TAB3: variants seen among roughly 807,000 people sequenced by gnomAD.
The protein encoded by TAB3 is TGF-beta-activated kinase 1 and MAP3K7-binding protein 3.
A neutral mutation model predicts 48.1 loss-of-function variants in TAB3; 18 were observed. The ratio of observed to expected loss-of-function variants is 0.37; its 90% CI spans 0.26 to 0.55. The LOEUF (loss-of-function observed/expected upper bound fraction) is 0.55. TAB3 is among the 20% of genes least tolerant of loss of function. The pLI is 0.78. For missense variants in TAB3, 414 were observed against 549.8 expected (o/e 0.75, Z 2.47); for synonymous variants, 185 against 190.2 (o/e 0.97, Z 0.22).
Position 30,831,171 on chromosome X carries a change from C to T in TAB3, c.*256G>A. The T allele has an allele frequency of 3.4e-6, 1 of 298,149 alleles. No homozygotes were observed. The highest frequency in any genetic ancestry group is 5.9e-6 in the Non-Finnish European group (1 of 170,618). The allele number at this position is 298,149 out of a possible 1,213,427, so 24.6% of individuals were successfully genotyped here. On this transcript the variant is annotated 3_prime_UTR_variant, in exon 11 of 11. Coordinates refer to ENST00000288422, the MANE Select transcript of TAB3 (RefSeq NM_152787.5). ...AGCTCTTGACTTCTGTGTGTACATT[C>T]TTTCACAGAGTGAATCCTTTCCCAG...
At chrX:30,853,772 TCA>T (rs1298756704) in intron 6 of TAB3, among the ~76,000 whole-genome samples, 1 of 112,337 alleles carries the variant, frequency 8.9e-6, no homozygotes, top group Non-Finnish European at 1.9e-5. Flanking sequence ...CCTCCTGGAT[TCA>T]AGCTATTCTC....
At chrX:30,888,794 T>C (rs772906310) in intron 1 of TAB3, among the ~76,000 whole-genome samples, 1 of 112,547 alleles carries the variant, frequency 8.9e-6, no homozygotes, top group Non-Finnish European at 1.9e-5. Context: ...CCGCAATGCC[T>C]AGGGTCCGGC....
At chrX:30,859,767 C>G in intron 4 of TAB3, 89 bp from the exon 5 acceptor site, 1 of 431,213 alleles carries the variant, frequency 2.3e-6, no homozygotes. Context: ...GTAGTGGTGG[C>G]ATCTCCTCTA....
intron 9 of TAB3, chrX:30,834,561 T>C (rs1938132233): frequency 1.7e-5 from 2 of 119,257 alleles, no homozygotes; most frequent in Admixed American, 1.7e-4. Flanking sequence ...ATGGGCACTA[T>C]CCATACAGTA....
chrX:30,848,182 G>A (rs1384213766), intron 7 of TAB3, among the ~76,000 whole-genome samples: 2 of 111,352 alleles, frequency 1.8e-5, no homozygotes, highest in East Asian at 2.8e-4. Flanking sequence ...CAGCCACAGT[G>A]GCCCAAAACA....
intron 1 of TAB3, among the ~76,000 whole-genome samples, chrX:30,885,810 A>G (rs1341076611): frequency 3.6e-5 from 4 of 111,665 alleles, no homozygotes; most frequent in Admixed American, 9.5e-5. Context: ...CCTTTTCAAG[A>G]AAGAACAGGG....
At chrX:30,842,194 T>C in intron 9 of TAB3, among the ~76,000 whole-genome samples, 1 of 112,825 alleles carries the variant, frequency 8.9e-6, no homozygotes, top group Non-Finnish European at 1.9e-5. Context: ...ATGTAACAAC[T>C]ATCCAAAAAT....
intron 4 of TAB3, among the ~76,000 whole-genome samples, chrX:30,859,919 C>T (rs1238299482): frequency 2.8e-5 from 3 of 107,325 alleles, no homozygotes; most frequent in South Asian, 8.1e-4. Flanking sequence ...AAGGTCTCAC[C>T]TATTTAAAAA....
At chrX:30,883,311 A>T (rs191897310) in intron 1 of TAB3, among the ~76,000 whole-genome samples, 1 of 112,019 alleles carries the variant, frequency 8.9e-6, no homozygotes, top group East Asian at 2.8e-4. Context: ...TAATTAAAAA[A>T]TACATAACAC....
intron 1 of TAB3, among the ~76,000 whole-genome samples, chrX:30,883,326 T>G (rs1421288770): frequency 8.9e-6 from 1 of 111,825 alleles, no homozygotes; most frequent in Non-Finnish European, 1.9e-5. Flanking sequence ...TAACACTTCT[T>G]ATGCACTCAC....
intron 9 of TAB3, among the ~76,000 whole-genome samples, chrX:30,837,055 T>C (rs1601797079): frequency 2.1e-5 from 2 of 94,716 alleles, no homozygotes; most frequent in Admixed American, 1.1e-4. Flanking sequence ...TTTTTTTTTT[T>C]TTTTTTTTTT....
chrX:30,851,824 C>G (rs1601814837), intron 7 of TAB3, among the ~76,000 whole-genome samples: 1 of 112,077 alleles, frequency 8.9e-6, no homozygotes, highest in Non-Finnish European at 1.9e-5. Context: ...AAGAACAGAA[C>G]AGACAAGATT....
At chrX:30,841,972 C>T (rs2147337826) in intron 9 of TAB3, among the ~76,000 whole-genome samples, 1 of 112,009 alleles carries the variant, frequency 8.9e-6, no homozygotes, top group African/African-American at 3.2e-5. Context: ...TCAGGCCTGG[C>T]TAATTTTTGT....
At chrX:30,836,230 T>C (rs1215940073) in intron 9 of TAB3, 1 of 111,810 alleles carries the variant, frequency 8.9e-6, no homozygotes, top group African/African-American at 3.2e-5. Context: ...ATAGAACCAT[T>C]TATACTTTCA....
intron 2 of TAB3, among the ~76,000 whole-genome samples, chrX:30,870,176 G>A (rs1939622699): frequency 8.9e-6 from 1 of 112,275 alleles, no homozygotes; most frequent in Admixed American, 9.4e-5. Context: ...GAATTTCTGT[G>A]TGATTTCTCT....
At chrX:30,878,579 T>C (rs1939912119) in intron 1 of TAB3, among the ~76,000 whole-genome samples, 1 of 109,528 alleles carries the variant, frequency 9.1e-6, no homozygotes, top group South Asian at 3.8e-4. Flanking sequence ...AAAAAGTTGG[T>C]AGGGACAGAG....
At chrX:30,836,405 AC>A in intron 9 of TAB3, 1 of 111,337 alleles carries the variant, frequency 9.0e-6, no homozygotes. Flanking sequence ...TCCCTGTGTA[AC>A]AGCAAGCATC....
In TAB3 at chrX:30,853,976, C is replaced by T. The variant is rs1000395790; in HGVS notation, c.1549+140G>A. The T allele has an allele frequency of 1.3e-5, 10 of 773,677 alleles. No individual in the cohort carries two copies. The African/African-American group carries it at 2.1e-4, about 17-fold the overall frequency. The allele number at this position is 773,677 out of a possible 1,213,427, so 63.8% of individuals were successfully genotyped here. A position where few individuals can be genotyped will look rare whatever the true frequency, so the allele number is the denominator to read the frequency against. On this transcript the variant is annotated intron_variant, in intron 6 of 10. Coordinates refer to ENST00000288422, the MANE Select transcript of TAB3 (RefSeq NM_152787.5). Reference sequence around the variant, plus strand: ...AGGCGTGAGCCACCGCACCCGGCCACTAACTTTATTCTTAATAGCAATGCT... The same window carrying T: ...AGGCGTGAGCCACCGCACCCGGCCATTAACTTTATTCTTAATAGCAATGCT...
intron 5 of TAB3, among the ~76,000 whole-genome samples, chrX:30,857,807 A>C (rs1014805213): frequency 4.5e-5 from 5 of 112,301 alleles, no homozygotes; most frequent in African/African-American, 1.6e-4. Context: ...AAGAAAAATA[A>C]GGATAAAAAA....
Sources: allele counts gnomAD v4.1 joint callset (sites outside exome capture counted in the v4.1 genomes callset), GRCh38; gene constraint gnomAD v4.1.1; transcripts MANE v1.5; gene names NCBI Gene and HGNC (gene_info 2026-07-23, HGNC 2026-07-21).